ARID3B: variants seen among roughly 807,000 people sequenced by gnomAD.
ARID3B encodes AT-rich interactive domain-containing protein 3B.
In ARID3B, 10 loss-of-function variants were observed where a neutral mutation model predicts 51.9. That is an observed-to-expected ratio of 0.19 (90% CI 0.12 to 0.33). ARID3B has a LOEUF of 0.33. Among genes scored for constraint, ARID3B ranks in the 10% least tolerant of loss-of-function variants. The pLI, the probability that ARID3B is intolerant of heterozygous loss-of-function variation, is 1.00. For synonymous variants in ARID3B, 205 were observed against 279.5 expected, an observed-to-expected ratio of 0.73 and a Z score of 2.66; for missense variants, 483 against 716.3, an observed-to-expected ratio of 0.67 and a Z score of 3.72.
rs1174490891 is a variant in ARID3B at position 74,544,153 on chromosome 15, C to T, written c.217C>T (p.Pro73Ser). The change falls in exon 2 of 9, where the codon CCA becomes TCA. Residue 73 changes from proline (P) to serine (S), a missense_variant. Physicochemically the swap from Pro to Ser is moderately conservative, Grantham distance 74. Coordinates refer to ENST00000346246, the MANE Select transcript of ARID3B (RefSeq NM_006465.4). ...STPLGPLARV[P>S]PTAAVAQVFE... ...TCCCTTAGGTCCCTTAGCCAGAGTT[C>T]CACCCACCGCAGCAGTGGCCCAAGT... The T allele has an allele frequency of 2.5e-6, 4 of 1,613,780 alleles. No individual in the cohort carries two copies. The South Asian group carries it at 4.4e-5, about 18-fold the overall frequency.
In ARID3B at chr15:74,561,050, G is replaced by A. The variant is rs563750846; in HGVS notation, c.553-11812G>A. The stretch of plus-strand genomic sequence containing the variant: ...TCCTTGTGCTTCAGCCTCCCAAAGT[G>A]CTGGGATTATAGGTGTGACCCACCG... On this transcript the variant is annotated intron_variant, in intron 2 of 8. Transcript: ENST00000346246. Among the ~76,000 whole-genome samples, 17 of 152,266 alleles carry A rather than the reference G, an allele frequency of 1.1e-4. No individual in the cohort carries two copies. In the South Asian group the frequency reaches 3.1e-3, roughly 28 times the overall value.
intron 2 of ARID3B, among the ~76,000 whole-genome samples, chr15:74,563,495 G>GA (rs928851297): frequency 2.0e-5 from 3 of 151,910 alleles, no homozygotes; most frequent in African/African-American, 7.3e-5. Context: ...TGTTTGGGGG[G>GA]AAAAAAAAGT....
chr15:74,565,930 C>A (rs913964595), intron 2 of ARID3B, among the ~76,000 whole-genome samples: 1 of 152,156 alleles, frequency 6.6e-6, no homozygotes, highest in Non-Finnish European at 1.5e-5. Context: ...CCTCACTAGG[C>A]AGTGGTCTGT....
rs757566083 is a variant in ARID3B, at chr15:74,591,295, G to A, written c.1026G>A (p.Ala342=). ...CCCTCTTTGGCTACTCACCTGCTGC[G>A]GCTACTGCTGCTGCCGCTGCCGGGG... The part of the protein sequence containing the change: ...SSSLFGYSPA[A]ATAAAAAGAP... Residue 342 remains alanine, a synonymous_variant, in exon 6 of 9, where the codon GCG becomes GCA. Coordinates refer to ENST00000346246, the MANE Select transcript of ARID3B (RefSeq NM_006465.4). This position sits in a 1 kb window ranked among gnomAD's most constrained non-coding sequence, Gnocchi z 5.8. 7.4e-6 allele frequency: 12 copies of A among 1,613,386 alleles called. 1 individual carries two copies. Among genetic ancestry groups the A allele is most frequent in the East Asian group, 6.7e-5 (3 of 44,896 alleles).
intron 2 of ARID3B, among the ~76,000 whole-genome samples, chr15:74,571,778 T>C (rs7171838): frequency 0.24 from 36,527 of 152,120 alleles, 5,806 homozygotes; most frequent in East Asian, 0.54. Context: ...GAAGGCTTCC[T>C]GCTGAAGAGA....
At chr15:74,573,494 T>C in intron 4 of ARID3B, 1 of 436,274 alleles carries the variant, frequency 2.3e-6, no homozygotes, top group Non-Finnish European at 4.2e-6. Context: ...CAAATATGCC[T>C]TTTTTAAGCC....
In ARID3B at chr15:74,543,885, C is replaced by T. The variant is rs148651467; in HGVS notation, c.-52C>T. 1.5e-3 allele frequency: 2,282 copies of T among 1,560,278 alleles called. 59 individuals carry two copies. In the East Asian group the frequency reaches 0.044, roughly 30 times the overall value. Reference sequence around the variant, plus strand: ...GTTTAGACCCAGTGTGCCTGGTGGGCTGTGCCCAGGTTCAGAGTCATGCCA... The same window carrying T: ...GTTTAGACCCAGTGTGCCTGGTGGGTTGTGCCCAGGTTCAGAGTCATGCCA... On this transcript the variant is annotated 5_prime_UTR_variant, in exon 2 of 9. Transcript: ENST00000346246.
chr15:74,546,435 A>G (rs549497610), intron 2 of ARID3B, among the ~76,000 whole-genome samples: 80 of 152,178 alleles, frequency 5.3e-4, no homozygotes, highest in Middle Eastern at 6.8e-3. Context: ...CATGCGAGGA[A>G]CAAGTGGAGC....
At chr15:74,564,896 T>C (rs8043082) in intron 2 of ARID3B, among the ~76,000 whole-genome samples, 36,479 of 152,020 alleles carry the variant, frequency 0.24, 5,793 homozygotes, top group East Asian at 0.55. Context: ...CCACCATGTC[T>C]GGCCTGAAGT....
At chr15:74,548,038 GTAT>G (rs1473610871) in intron 2 of ARID3B, among the ~76,000 whole-genome samples, 2 of 152,170 alleles carry the variant, frequency 1.3e-5, no homozygotes, top group Non-Finnish European at 2.9e-5. Context: ...TTAAGGTGTG[GTAT>G]TATTCTCTGA....
At chr15:74,548,419 T>C (rs1349023835) in intron 2 of ARID3B, among the ~76,000 whole-genome samples, 3 of 152,172 alleles carry the variant, frequency 2.0e-5, no homozygotes, top group Non-Finnish European at 2.9e-5. Flanking sequence ...GCAGTCGCTT[T>C]GGTTACTGCA....
At chr15:74,578,225 G>A (rs1166632094) in intron 4 of ARID3B, among the ~76,000 whole-genome samples, 1 of 150,796 alleles carries the variant, frequency 6.6e-6, no homozygotes, top group Non-Finnish European at 1.5e-5. Flanking sequence ...CCAGGCTGGA[G>A]TGTAGTGGCA....
intron 2 of ARID3B, among the ~76,000 whole-genome samples, chr15:74,552,959 A>G (rs1478307707): frequency 2.0e-5 from 3 of 152,176 alleles, no homozygotes; most frequent in Non-Finnish European, 2.9e-5. Flanking sequence ...AAGAAGCGTG[A>G]TTGCTGGATT....
At chr15:74,592,106 C>T (rs12898794) in intron 7 of ARID3B, among the ~76,000 whole-genome samples, 69,262 of 152,128 alleles carry the variant, frequency 0.46, 20,585 homozygotes, top group Non-Finnish European at 0.68. Context: ...AGAGCTGCTG[C>T]GTTTCCCCAC....
chr15:74,561,384 C>G (rs1204924789), intron 2 of ARID3B, among the ~76,000 whole-genome samples: 1 of 152,146 alleles, frequency 6.6e-6, no homozygotes, highest in Admixed American at 6.5e-5. Flanking sequence ...TGGATAGCAC[C>G]TTCATGTGTT....
chr15:74,553,404 A>G (rs8028430), intron 2 of ARID3B, among the ~76,000 whole-genome samples: 38,002 of 152,128 alleles, frequency 0.25, 6,383 homozygotes, highest in East Asian at 0.55. Flanking sequence ...AAATGCATTC[A>G]AGGCTATAGA....
At chr15:74,588,235 T>TAA (rs34984821) in intron 4 of ARID3B, among the ~76,000 whole-genome samples, 5 of 139,930 alleles carry the variant, frequency 3.6e-5, no homozygotes, top group Non-Finnish European at 4.7e-5. Context: ...CCCTATCTTT[T>TAA]AAAAAAAAAA....
At position 74,595,745 on chromosome 15, in the gene ARID3B, G is replaced by A. The variant is rs570240677; in HGVS notation, c.1654G>A (p.Ala552Thr). 91 of 1,609,126 alleles carry A rather than the reference G, an allele frequency of 5.7e-5. 1 individual carries two copies. The highest frequency in any genetic ancestry group is 4.9e-4 in the Admixed American group (29 of 59,518). ...SPTSSRGTPS[A>T]EPSTSWSL ...TACCTCATCCCGGGGCACCCCCAGC[G>A]CAGAGCCCTCCACCAGCTGGTCCCT... The change falls in exon 9 of 9, where the codon GCA becomes ACA. Residue 552 changes from alanine (A) to threonine (T), a missense_variant. Coordinates refer to ENST00000346246, the MANE Select transcript of ARID3B (RefSeq NM_006465.4).
Position 74,597,003 on chromosome 15 carries a change from G to A in ARID3B, c.*1229G>A, listed in dbSNP as rs563098592. The A allele has an allele frequency of 8.5e-6, 2 of 234,124 alleles. No homozygotes were observed. The highest frequency in any genetic ancestry group is 6.0e-5 in the East Asian group (1 of 16,548). The allele number at this position is 234,124 out of a possible 1,614,324, so 14.5% of individuals were successfully genotyped here. ...GAGAGGCCCGCTCTCACACCGGGTC[G>A]GGCCCTGAAACTGTACCAGTTCTGA... On this transcript the variant is annotated 3_prime_UTR_variant, in exon 9 of 9. Coordinates refer to ENST00000346246, the MANE Select transcript of ARID3B (RefSeq NM_006465.4).
Sources: gnomAD v4.1 joint callset for allele counts (sites outside exome capture counted in the v4.1 genomes callset) on GRCh38, gnomAD v4.1.1 for gene constraint, Gnocchi (gnomAD v3.1) non-coding constraint, MANE v1.5 for transcripts, NCBI Gene and HGNC (gene_info 2026-07-23, HGNC 2026-07-21) for gene names.